RNF180: variants seen among roughly 807,000 people sequenced by gnomAD.
The protein encoded by RNF180 is E3 ubiquitin-protein ligase RNF180.
A neutral mutation model predicts 59.2 loss-of-function variants in RNF180; 38 were observed. The observed-to-expected ratio is 0.64, with a 90% CI of 0.50 to 0.84. The LOEUF (loss-of-function observed/expected upper bound fraction) is 0.84. RNF180 is among the 40% of genes least tolerant of loss of function. The pLI is 0.00. For missense variants in RNF180, 705 were observed against 700.9 expected (o/e 1.01, Z -0.07); for synonymous variants, 262 against 240.3 (o/e 1.09, Z -0.84).
At chr5:64,283,356 T>C (rs1742111477) in intron 5 of RNF180, among the ~76,000 whole-genome samples, 1 of 152,154 alleles carries the variant, frequency 6.6e-6, no homozygotes, top group African/African-American at 2.4e-5. Context: ...CCTTTAAGCT[T>C]GTGGGTGTTA....
At chr5:64,249,823 A>C (rs1341546223) in intron 5 of RNF180, among the ~76,000 whole-genome samples, 1 of 152,218 alleles carries the variant, frequency 6.6e-6, no homozygotes. Context: ...TAAGTATATA[A>C]AGTAAATATT....
intron 7 of RNF180, among the ~76,000 whole-genome samples, chr5:64,347,510 T>G (rs1344497428): frequency 6.6e-6 from 1 of 152,134 alleles, no homozygotes; most frequent in Non-Finnish European, 1.5e-5. Flanking sequence ...AGACCTTTTT[T>G]GCCAGCTGGT....
chr5:64,365,597 A>C (rs1040098983), intron 7 of RNF180, among the ~76,000 whole-genome samples: 2 of 151,650 alleles, frequency 1.3e-5, no homozygotes, highest in Non-Finnish European at 3.0e-5. Flanking sequence ...GGCTCCCACT[A>C]TTAGTGTGAG....
intron 5 of RNF180, among the ~76,000 whole-genome samples, chr5:64,288,609 G>T (rs912125857): frequency 1.4e-4 from 21 of 151,940 alleles, no homozygotes; most frequent in African/African-American, 4.8e-4. Context: ...AGTCCTTCAC[G>T]TCCCTTGTTA....
intron 5 of RNF180, among the ~76,000 whole-genome samples, chr5:64,309,594 G>A (rs1244840424): frequency 1.3e-5 from 2 of 151,312 alleles, no homozygotes; most frequent in African/African-American, 2.4e-5. Flanking sequence ...ATATTGTGGT[G>A]TGTTTGTTTT....
At chr5:64,339,354 G>C (rs1424257953) in intron 7 of RNF180, among the ~76,000 whole-genome samples, 1 of 151,616 alleles carries the variant, frequency 6.6e-6, no homozygotes, top group Non-Finnish European at 1.5e-5. Flanking sequence ...ATTACTTAAG[G>C]CTATAAATTT....
chr5:64,210,764 G>T (rs1377099345), intron 2 of RNF180, among the ~76,000 whole-genome samples: 3 of 152,122 alleles, frequency 2.0e-5, no homozygotes, highest in African/African-American at 7.2e-5. Context: ...CAGTTTTGAA[G>T]ATACCTTTCT....
At chr5:64,354,944 T>C (rs550000005) in intron 7 of RNF180, among the ~76,000 whole-genome samples, 14 of 152,046 alleles carry the variant, frequency 9.2e-5, no homozygotes, top group African/African-American at 4.8e-5. Flanking sequence ...TGGGCACTTA[T>C]GAAAACCTCC....
At chr5:64,236,600 TTAA>T (rs1221672317) in intron 5 of RNF180, among the ~76,000 whole-genome samples, 2 of 152,058 alleles carry the variant, frequency 1.3e-5, no homozygotes, top group Admixed American at 6.5e-5. Flanking sequence ...AAGATGAATA[TTAA>T]TAACCAAGAC....
At chr5:64,291,674 G>A (rs1406296545) in intron 5 of RNF180, among the ~76,000 whole-genome samples, 2 of 151,782 alleles carry the variant, frequency 1.3e-5, no homozygotes, top group African/African-American at 2.4e-5. Context: ...TGATCCACCC[G>A]CCTCGGCCTC....
At chr5:64,270,105 CTAATAT>C (rs770992569) in intron 5 of RNF180, among the ~76,000 whole-genome samples, 5 of 151,912 alleles carry the variant, frequency 3.3e-5, no homozygotes, top group Non-Finnish European at 5.9e-5. Flanking sequence ...TGAAAAGATT[CTAATAT>C]CTTTTCATAG....
chr5:64,188,768 C>A (rs1018096611), intron 1 of RNF180, among the ~76,000 whole-genome samples: 1 of 152,018 alleles, frequency 6.6e-6, no homozygotes, highest in African/African-American at 2.4e-5. Flanking sequence ...AGAAAAGACA[C>A]GTAATAAACA....
At chr5:64,167,418 CTT>C (rs1749704635) in intron 1 of RNF180, among the ~76,000 whole-genome samples, 1 of 152,062 alleles carries the variant, frequency 6.6e-6, no homozygotes, top group Middle Eastern at 3.2e-3. Flanking sequence ...TTCTTCCTCT[CTT>C]TCATTTTTTG....
At chr5:64,231,828 G>A (rs979525880) in intron 5 of RNF180, among the ~76,000 whole-genome samples, 1 of 152,208 alleles carries the variant, frequency 6.6e-6, no homozygotes, top group African/African-American at 2.4e-5. Flanking sequence ...AGAAAATAAA[G>A]CAGTGTTCCA....
intron 1 of RNF180, among the ~76,000 whole-genome samples, chr5:64,195,358 G>A (rs1751404686): frequency 6.6e-6 from 1 of 152,156 alleles, no homozygotes; most frequent in South Asian, 2.1e-4. Context: ...AAGTTATGTA[G>A]TTAAAATCAT....
intron 1 of RNF180, among the ~76,000 whole-genome samples, chr5:64,175,147 A>G (rs776174689): frequency 5.3e-5 from 8 of 151,520 alleles, no homozygotes; most frequent in Non-Finnish European, 1.2e-4. Flanking sequence ...TTGTATTTTT[A>G]GTAAAGATGG....
At chr5:64,250,169 A>G (rs1318092447) in intron 5 of RNF180, among the ~76,000 whole-genome samples, 1 of 152,210 alleles carries the variant, frequency 6.6e-6, no homozygotes, top group African/African-American at 2.4e-5. Flanking sequence ...TGAACTTTAG[A>G]AAATTTACAA....
At chr5:64,295,586 TTC>T (rs972203014) in intron 5 of RNF180, among the ~76,000 whole-genome samples, 12 of 152,238 alleles carry the variant, frequency 7.9e-5, no homozygotes, top group Non-Finnish European at 1.3e-4. Context: ...CTGATACTTG[TTC>T]TGTCTCCCTA....
intron 5 of RNF180, among the ~76,000 whole-genome samples, chr5:64,317,456 C>T (rs1056493399): frequency 6.6e-6 from 1 of 151,732 alleles, no homozygotes; most frequent in African/African-American, 2.4e-5. Flanking sequence ...AGGGTTGCTA[C>T]AAACCTATAA....
Sources: allele counts gnomAD v4.1 joint callset (sites outside exome capture counted in the v4.1 genomes callset), GRCh38; gene constraint gnomAD v4.1.1; transcripts MANE v1.5; gene names NCBI Gene and HGNC (gene_info 2026-07-23, HGNC 2026-07-21).